The following CEP162 variants were observed in gnomAD, a reference collection of about 807,000 sequenced individuals.
The protein encoded by CEP162 is centrosomal protein 162.
Under a neutral mutation model 169.2 loss-of-function variants are expected in CEP162, and 141 were observed. The observed-to-expected ratio is 0.83, with a 90% CI of 0.73 to 0.96. The LOEUF is 0.96. CEP162 is among the 40% of genes least tolerant of loss of function. The pLI is 0.00. For missense variants in CEP162, 1,600 were observed against 1,587.2 expected (o/e 1.01, Z -0.14); for synonymous variants, 540 against 526.4 (o/e 1.03, Z -0.35).
Position 84,185,304 on chromosome 6 carries a change from C to G in CEP162, c.1546G>C (p.Gly516Arg). 6.2e-7 allele frequency: 1 copy of G among 1,613,632 alleles called. No homozygotes were observed. Among genetic ancestry groups the G allele is most frequent in the Non-Finnish European group, 8.5e-7 (1 of 1,179,704 alleles). The change falls in exon 13 of 27, where the codon GGC becomes CGC. Residue 516 changes from glycine to arginine, a missense_variant. By Grantham distance (125) the Gly-to-Arg change is moderately radical. Coordinates refer to ENST00000403245, the MANE Select transcript of CEP162 (RefSeq NM_014895.4). ...ATCTTGAGTGGTGAACTGGGTTTGC[C>G]ATAGCCTGAGCTCCTAACTGACGCA... Reference protein sequence around the residue: ...LYASVRSSGYGKPSSPLKMFS... With the variant: ...LYASVRSSGYRKPSSPLKMFS...
At chr6:84,219,229 A>G in intron 3 of CEP162, 1 of 1,069,568 alleles carries the variant, frequency 9.3e-7, no homozygotes, top group Non-Finnish European at 1.3e-6. Flanking sequence ...TATTTAGAAC[A>G]TAATACAAAC....
intron 1 of CEP162, among the ~76,000 whole-genome samples, chr6:84,226,953 G>A (rs955546284): frequency 6.6e-6 from 1 of 152,284 alleles, no homozygotes; most frequent in Admixed American, 6.5e-5. Context: ...ATACGGGGAT[G>A]TTTCAAAATA....
chr6:84,125,267 G>T lies in CEP162; in HGVS notation c.4015C>A (p.Gln1339Lys). Reference protein sequence around the residue: ...REQELQQIIQQTHQVVETEQN... With the variant: ...REQELQQIIQKTHQVVETEQN... ...TCAGTTTCTACTACTTGGTGTGTTT[G>T]CTGTATTATCTGCAAATACAAAAAT... Residue 1339 changes from glutamine (Q) to lysine (K), a missense_variant, in exon 27 of 27, where the codon CAA (glutamine) becomes AAA (lysine). Transcript: ENST00000403245. 6.2e-7 allele frequency: 1 copy of T among 1,612,836 alleles called. No homozygotes were observed. Among genetic ancestry groups the T allele is most frequent in the Non-Finnish European group, 8.5e-7 (1 of 1,179,330 alleles).
intron 8 of CEP162, among the ~76,000 whole-genome samples, chr6:84,201,186 G>A (rs2099544322): frequency 6.6e-6 from 1 of 152,158 alleles, no homozygotes; most frequent in Admixed American, 6.5e-5. Flanking sequence ...GCTGAGGCAG[G>A]AGAATAGTGA....
At chr6:84,215,506 T>G (rs1290451255) in intron 4 of CEP162, 41 bp from the exon 5 acceptor site, 3 of 1,417,058 alleles carry the variant, frequency 2.1e-6, no homozygotes, top group Middle Eastern at 1.8e-4. Context: ...ATATACAGAA[T>G]TTTGAAAACA....
chr6:84,130,646 G>A (rs1388936449), intron 25 of CEP162, among the ~76,000 whole-genome samples: 1 of 152,172 alleles, frequency 6.6e-6, no homozygotes, highest in Non-Finnish European at 1.5e-5. Flanking sequence ...TATTTGCATA[G>A]AGGTGTTTAT....
chr6:84,210,206 TG>T (rs1454402553), intron 6 of CEP162, among the ~76,000 whole-genome samples: 2 of 152,198 alleles, frequency 1.3e-5, no homozygotes, highest in Non-Finnish European at 2.9e-5. Context: ...ACTTCAAAAA[TG>T]TTATTTTGAG....
intron 13 of CEP162, among the ~76,000 whole-genome samples, chr6:84,176,721 A>C (rs1012919291): frequency 6.6e-6 from 1 of 152,170 alleles, no homozygotes; most frequent in Non-Finnish European, 1.5e-5. Context: ...ATGAAATCTG[A>C]AATTTGAAAC....
chr6:84,194,896 T>C lies in CEP162; in HGVS notation c.1015A>G (p.Thr339Ala). Residue 339 changes from threonine to alanine, a missense_variant, in exon 10 of 27, where the codon ACT becomes GCT. Physicochemically the swap from Thr to Ala is moderately conservative, Grantham distance 58. Transcript: ENST00000403245. ...ENEENSKNIS[T>A]MESDLPTVEE... is the part of the protein sequence containing the mutation. The stretch of plus-strand genomic sequence containing the variant: ...TGTAAGTTTTTACCAGATTCCATAG[T>C]AGAGATGTTTTTTGAATTCTCTTCA... The C allele has an allele frequency of 6.2e-7, 1 of 1,608,158 alleles. No individual in the cohort carries two copies. The highest frequency in any genetic ancestry group is 1.1e-5 in the South Asian group (1 of 90,146).
At chr6:84,134,955 CATAT>C (rs1402310676) in intron 25 of CEP162, among the ~76,000 whole-genome samples, 2 of 127,830 alleles carry the variant, frequency 1.6e-5, no homozygotes, top group African/African-American at 2.7e-5. Context: ...CACACACACA[CATAT>C]ATAGTGTTAG....
chr6:84,149,927 G>A (rs2099520479), intron 23 of CEP162, among the ~76,000 whole-genome samples: 1 of 148,902 alleles, frequency 6.7e-6, no homozygotes, highest in South Asian at 2.1e-4. Flanking sequence ...GCAAACTTGA[G>A]GAAATAGTGA....
chr6:84,133,553 C>A (rs1335420625), intron 25 of CEP162, among the ~76,000 whole-genome samples: 1 of 152,150 alleles, frequency 6.6e-6, no homozygotes, highest in Non-Finnish European at 1.5e-5. Flanking sequence ...CCTACTCAAG[C>A]CTCAGCAACG....
intron 11 of CEP162, among the ~76,000 whole-genome samples, chr6:84,190,551 GA>G (rs2099539433): frequency 6.6e-6 from 1 of 151,858 alleles, no homozygotes; most frequent in Non-Finnish European, 1.5e-5. Context: ...TGAGCCCAGC[GA>G]GACCACGAGC....
At chr6:84,216,623 T>C (rs1342113230) in intron 3 of CEP162, among the ~76,000 whole-genome samples, 3 of 152,188 alleles carry the variant, frequency 2.0e-5, no homozygotes, top group Admixed American at 2.0e-4. Flanking sequence ...TATGACTGAT[T>C]AGATATTTGA....
intron 13 of CEP162, among the ~76,000 whole-genome samples, chr6:84,177,331 A>T (rs1451680406): frequency 6.6e-6 from 1 of 152,138 alleles, no homozygotes. Flanking sequence ...CTATATGCAT[A>T]CAGGAAAAAC....
At chr6:84,173,623 T>C (rs1485135609) in intron 16 of CEP162, among the ~76,000 whole-genome samples, 1 of 152,132 alleles carries the variant, frequency 6.6e-6, no homozygotes, top group Non-Finnish European at 1.5e-5. Flanking sequence ...AGTCAAATTA[T>C]TATCTCCTAT....
chr6:84,200,156 G>A lies in CEP162; in HGVS notation c.835+633C>T, dbSNP rs1037153604. ...TAGTCCCAGCTACTTGGGAGGCTGA[G>A]ACAGAATTGCATGAACCTGGGAGAT... On this transcript the variant is annotated intron_variant, in intron 9 of 26. Coordinates refer to ENST00000403245, the MANE Select transcript of CEP162 (RefSeq NM_014895.4). Among the ~76,000 whole-genome samples, 4 of 152,320 alleles carry A rather than the reference G, an allele frequency of 2.6e-5. No individual in the cohort carries two copies. The East Asian group carries it at 7.7e-4, about 29-fold the overall frequency.
At chr6:84,181,441 G>C (rs2099534790) in intron 13 of CEP162, among the ~76,000 whole-genome samples, 1 of 152,076 alleles carries the variant, frequency 6.6e-6, no homozygotes, top group Non-Finnish European at 1.5e-5. Flanking sequence ...CATAGGCATG[G>C]GCAAGGACTT....
At chr6:84,218,666 GAATTTTGA>G (rs2099552501) in intron 3 of CEP162, among the ~76,000 whole-genome samples, 1 of 152,124 alleles carries the variant, frequency 6.6e-6, no homozygotes, top group African/African-American at 2.4e-5. Context: ...AAGAAGTCAC[GAATTTTGA>G]CTTCAAGTTC....
Sources: gnomAD v4.1 joint callset for allele counts (sites outside exome capture counted in the v4.1 genomes callset) on GRCh38, gnomAD v4.1.1 for gene constraint, MANE v1.5 for transcripts, NCBI Gene and HGNC (gene_info 2026-07-23, HGNC 2026-07-21) for gene names.